EPG5: variants seen among roughly 807,000 people sequenced by gnomAD.
EPG5 encodes the protein ectopic P granules protein 5 homolog.
In EPG5, 159 loss-of-function variants were observed where a neutral mutation model predicts 302.7. The ratio of observed to expected loss-of-function variants is 0.53; its 90% CI spans 0.46 to 0.60. The LOEUF (loss-of-function observed/expected upper bound fraction) is 0.60. EPG5 is among the 20% of genes least tolerant of loss of function. The pLI is 0.00. For synonymous variants in EPG5, 1,158 were observed against 1,136.8 expected (o/e 1.02, Z -0.37); for missense variants, 2,896 against 3,092.4 (o/e 0.94, Z 1.51).
chr18:45,840,124 C>A, the EPG5 span: 1 of 1,487,630 alleles, frequency 6.7e-7, no homozygotes, highest in Non-Finnish European at 9.3e-7. Context: ...CTCGAGACCC[C>A]TTCCACATGG....
intron 1 of EPG5, among the ~76,000 whole-genome samples, chr18:45,965,746 T>C (rs2051233910): frequency 6.6e-6 from 1 of 152,170 alleles, no homozygotes; most frequent in Non-Finnish European, 1.5e-5. Flanking sequence ...ATTTAATCTG[T>C]TCATCTTAGA....
the EPG5 span, among the ~76,000 whole-genome samples, chr18:45,805,834 T>G: frequency 9.2e-5 from 14 of 152,334 alleles, no homozygotes; most frequent in African/African-American, 2.6e-4. Flanking sequence ...AACAGCACTT[T>G]AAAATATATA....
chr18:45,845,670 T>C (rs2048357526), downstream of EPG5, among the ~76,000 whole-genome samples: 1 of 152,076 alleles, frequency 6.6e-6, no homozygotes, highest in Non-Finnish European at 1.5e-5. Context: ...AGACTCGGTG[T>C]TTTCAAGATT....
At chr18:45,897,411 C>T (rs536828073) in intron 27 of EPG5, among the ~76,000 whole-genome samples, 1 of 152,234 alleles carries the variant, frequency 6.6e-6, no homozygotes, top group African/African-American at 2.4e-5. Flanking sequence ...GAAGACACCC[C>T]TTTTTTTATT....
At chr18:45,825,440 T>C in the EPG5 span, 1 of 513,312 alleles carries the variant, frequency 1.9e-6, no homozygotes, top group South Asian at 3.0e-5. Flanking sequence ...GAAATGGCCC[T>C]GTTTCTTTCT....
intron 10 of EPG5, among the ~76,000 whole-genome samples, chr18:45,935,513 G>T (rs543202554): frequency 6.6e-6 from 1 of 152,324 alleles, no homozygotes; most frequent in African/African-American, 2.4e-5. Flanking sequence ...TTGTACTCCA[G>T]CCTGGGCAAC....
intron 22 of EPG5, among the ~76,000 whole-genome samples, chr18:45,911,078 TACACACAC>T (rs34212851): frequency 2.6e-4 from 35 of 135,372 alleles, no homozygotes; most frequent in South Asian, 9.8e-4. Flanking sequence ...TATCTATCTA[TACACACAC>T]ACACACACAC....
chr18:45,846,230 T>C (rs1021007783), downstream of EPG5, among the ~76,000 whole-genome samples: 1 of 152,074 alleles, frequency 6.6e-6, no homozygotes, highest in African/African-American at 2.4e-5. Context: ...CAAAGCCCTG[T>C]AAGATCCCAG....
In EPG5 at chr18:45,925,728, G is replaced by A. The variant is rs201028365; in HGVS notation, c.2718+10C>T. The A allele has an allele frequency of 1.2e-5, 18 of 1,502,716 alleles. No individual in the cohort carries two copies. Among genetic ancestry groups the A allele is most frequent in the Non-Finnish European group, 1.3e-5 (15 of 1,129,616 alleles). 93.1% of individuals were successfully genotyped at this position (1,502,716 alleles called of 1,614,324 possible). ...ACCTCCAGTCTCCAGGGAATGGTTTGAACACATACCTGTTTAGCAAATCCC... is the reference window on the plus strand; with the variant it reads ...ACCTCCAGTCTCCAGGGAATGGTTTAAACACATACCTGTTTAGCAAATCCC... On this transcript the variant is annotated intron_variant, in intron 14 of 43. Transcript: ENST00000282041.
chr18:45,865,765 C>CAAAAAA lies in EPG5; in HGVS notation c.6622-12_6622-7dup, dbSNP rs11333207. 518 of 1,411,704 alleles carry CAAAAAA rather than the reference C, an allele frequency of 3.7e-4. 1 individual carries two copies. In the African/African-American group the frequency reaches 8.9e-3, roughly 24 times the overall value. 87.4% of individuals were successfully genotyped at this position (1,411,704 alleles called of 1,614,324 possible). A position where few individuals can be genotyped will look rare whatever the true frequency, so the allele number is the denominator to read the frequency against. On this transcript the variant is annotated splice_region_variant and splice_polypyrimidine_tract_variant and intron_variant, in intron 38 of 43. Coordinates refer to ENST00000282041, the MANE Select transcript of EPG5 (RefSeq NM_020964.3). ...TGGCATTTTGGAACTGCATCCTGAC[C>CAAAAAA]AAAAAAAAAAAAAAAAATCATTCAA...
the EPG5 span, among the ~76,000 whole-genome samples, chr18:45,807,472 C>A: frequency 6.6e-6 from 1 of 152,198 alleles, no homozygotes; most frequent in Non-Finnish European, 1.5e-5. Context: ...CTCACAGAGT[C>A]CATTTCACCT....
the EPG5 span, among the ~76,000 whole-genome samples, chr18:45,814,686 C>T: frequency 6.6e-6 from 1 of 152,192 alleles, no homozygotes; most frequent in East Asian, 1.9e-4. Flanking sequence ...TAGGCCAAAC[C>T]CTACTTTCTT....
rs758272766 is a variant in EPG5, at chr18:45,915,491, CCT to C, written c.3693+18_3693+19del. On this transcript the variant is annotated intron_variant, in intron 20 of 43. Coordinates refer to ENST00000282041, the MANE Select transcript of EPG5 (RefSeq NM_020964.3). ...AAAGTTCACAAAGATAACAAATGAT[CCT>C]CTCAGTGAGTTTCCTACCTGAGTGG... 62 of 1,508,674 alleles carry C rather than the reference CCT, an allele frequency of 4.1e-5. No individual in the cohort carries two copies. In the African/African-American group the frequency reaches 5.4e-4, roughly 13 times the overall value. 93.5% of individuals were successfully genotyped at this position (1,508,674 alleles called of 1,614,324 possible).
In EPG5 at chr18:45,860,584, G is replaced by A. The variant is rs28641052; in HGVS notation, c.6767-238C>T. On this transcript the variant is annotated intron_variant, in intron 39 of 43. Transcript: ENST00000282041. ...TACTGTGAGTTCCCTGGGTACAGCA[G>A]CATAGCAGAGCAATACTTAATAAAT... Among the ~76,000 whole-genome samples the A allele has an allele frequency of 4.6e-3, 699 of 151,482 alleles. 8 individuals carry two copies. The highest frequency in any genetic ancestry group is 0.016 in the African/African-American group (666 of 40,854).
At chr18:45,817,664 C>T in the EPG5 span, among the ~76,000 whole-genome samples, 3 of 152,216 alleles carry the variant, frequency 2.0e-5, no homozygotes, top group African/African-American at 7.2e-5. Context: ...GGTGAGAAGG[C>T]TCAGTTCTTT....
In EPG5 at chr18:45,850,030, T is replaced by C. The variant is rs911971678; in HGVS notation, c.*2437A>G. On this transcript the variant is annotated 3_prime_UTR_variant, in exon 44 of 44. Transcript: ENST00000282041. ...TGCAACCCACCTGTGCACTGCAGCA[T>C]GGGGAGTGATGGAGAGGGAGAGAGA... The C allele has an allele frequency of 1.3e-5, 2 of 152,300 alleles. No homozygotes were observed. The highest frequency in any genetic ancestry group is 3.9e-4 in the East Asian group (2 of 5,188). 9.4% of individuals were successfully genotyped at this position (152,300 alleles called of 1,614,324 possible). A position where few individuals can be genotyped will look rare whatever the true frequency, so the allele number is the denominator to read the frequency against.
At chr18:45,867,915 T>C (rs2048781658) in intron 36 of EPG5, 167 bp from the exon 37 acceptor site, 3 of 696,224 alleles carry the variant, frequency 4.3e-6, no homozygotes, top group Admixed American at 4.1e-5. Context: ...TTGTAATATC[T>C]TTCCTTCCAC....
intron 26 of EPG5, 31 bp downstream of exon 26, chr18:45,900,965 G>A: frequency 3.2e-6 from 5 of 1,586,774 alleles, no homozygotes; most frequent in Non-Finnish European, 4.3e-6. Flanking sequence ...ACCAACATGG[G>A]AACATGATCC....
At chr18:45,858,374 T>C (rs1034015369) in intron 41 of EPG5, among the ~76,000 whole-genome samples, 192 bp downstream of exon 41, 1 of 152,216 alleles carries the variant, frequency 6.6e-6, no homozygotes, top group Non-Finnish European at 1.5e-5. Flanking sequence ...GTGCCAGTTT[T>C]AGGAAACAAA....
Sources: allele counts gnomAD v4.1 joint callset (sites outside exome capture counted in the v4.1 genomes callset), GRCh38; gene constraint gnomAD v4.1.1; transcripts MANE v1.5; gene names NCBI Gene and HGNC (gene_info 2026-07-23, HGNC 2026-07-21).